PLAC8L1: variants seen among roughly 807,000 people sequenced by gnomAD.
PLAC8L1 encodes PLAC8 like 1.
PLAC8L1 carries 13 observed loss-of-function variants against 16.3 expected under a neutral mutation model. The observed-to-expected ratio is 0.80, with a 90% CI of 0.52 to 1.27. The LOEUF (loss-of-function observed/expected upper bound fraction) is 1.27. PLAC8L1 is among the 50% of genes most tolerant of loss of function. The probability of loss-of-function intolerance (pLI) is 0.00; values close to 1 mark genes in which losing one functional copy is unlikely to be tolerated. For synonymous variants in PLAC8L1, 78 were observed against 79.3 expected (o/e 0.98, Z 0.09); for missense variants, 184 against 220.2 (o/e 0.84, Z 1.04).
At chr5:146,094,451 C>T (rs1763678182) in intron 2 of PLAC8L1, among the ~76,000 whole-genome samples, 1 of 152,180 alleles carries the variant, frequency 6.6e-6, no homozygotes, top group Non-Finnish European at 1.5e-5. Context: ...GTCTGTATCA[C>T]CTACCTTGTG....
intron 1 of PLAC8L1, among the ~76,000 whole-genome samples, chr5:146,102,224 T>A (rs1242930774): frequency 6.6e-6 from 1 of 151,996 alleles, no homozygotes; most frequent in Admixed American, 6.6e-5. Flanking sequence ...CCCAGCTAAT[T>A]TTTTTTAATT....
intron 3 of PLAC8L1, 67 bp downstream of exon 3, chr5:146,085,394 A>G: frequency 6.7e-7 from 1 of 1,485,164 alleles, no homozygotes; most frequent in Non-Finnish European, 9.1e-7. Context: ...TTGGAAAATC[A>G]CAGGTTTGGA....
At chr5:146,098,384 G>T in intron 1 of PLAC8L1, 92 bp from the exon 2 acceptor site, 1 of 1,317,344 alleles carries the variant, frequency 7.6e-7, no homozygotes. Context: ...GAAGAGATAG[G>T]GACCCAATGA....
At chr5:146,085,371 A>C (rs1279590168) in intron 3 of PLAC8L1, 90 bp downstream of exon 3, 5 of 1,413,612 alleles carry the variant, frequency 3.5e-6, no homozygotes, top group Non-Finnish European at 4.8e-6. Context: ...ATCCTCACCC[A>C]CCCTTCTTTT....
Position 146,084,582 on chromosome 5 carries a change from G to T in PLAC8L1, c.394-10C>A. ...CTTCACACAGTGTGCCCTAGGGCAA[G>T]ACCAGAATCTGTTCTGTTGTAGTCA... On this transcript the variant is annotated splice_polypyrimidine_tract_variant and intron_variant, in intron 3 of 3. Transcript: ENST00000311450. 6.2e-7 allele frequency: 1 copy of T among 1,613,128 alleles called. No individual in the cohort carries two copies. Among genetic ancestry groups the T allele is most frequent in the Non-Finnish European group, 8.5e-7 (1 of 1,179,952 alleles).
chr5:146,088,467 T>G (rs539090896), intron 2 of PLAC8L1, among the ~76,000 whole-genome samples: 4 of 152,264 alleles, frequency 2.6e-5, no homozygotes, highest in Admixed American at 1.3e-4. Flanking sequence ...AGTGAGCACT[T>G]CAAAGTCCCA....
intron 1 of PLAC8L1, chr5:146,103,551 T>C: frequency 1.5e-6 from 1 of 682,402 alleles, no homozygotes; most frequent in Non-Finnish European, 1.8e-6. Context: ...GATAGGGAAG[T>C]TTTAGTGCTA....
chr5:146,101,428 A>G (rs1763815282), intron 1 of PLAC8L1, among the ~76,000 whole-genome samples: 2 of 152,174 alleles, frequency 1.3e-5, no homozygotes, highest in Admixed American at 6.5e-5. Flanking sequence ...ACGGCAACCG[A>G]AACAGATTAA....
chr5:146,085,268 T>A (rs926241485), intron 3 of PLAC8L1, among the ~76,000 whole-genome samples, 193 bp downstream of exon 3: 2 of 152,216 alleles, frequency 1.3e-5, no homozygotes, highest in Non-Finnish European at 2.9e-5. Flanking sequence ...AATAATATGG[T>A]ATTTTAGTTA....
chr5:146,092,659 A>G (rs1410645665), intron 2 of PLAC8L1, among the ~76,000 whole-genome samples: 1 of 147,946 alleles, frequency 6.8e-6, no homozygotes, highest in Non-Finnish European at 1.5e-5. Context: ...TTCCTGCTTC[A>G]GCATCCCAGG....
intron 2 of PLAC8L1, among the ~76,000 whole-genome samples, chr5:146,091,875 A>T (rs1007388004): frequency 3.9e-5 from 6 of 152,128 alleles, no homozygotes; most frequent in Admixed American, 3.9e-4. Context: ...TGCAAGGTAA[A>T]TGTATTGTTA....
At chr5:146,087,031 C>A (rs151288587) in intron 2 of PLAC8L1, among the ~76,000 whole-genome samples, 2 of 152,326 alleles carry the variant, frequency 1.3e-5, no homozygotes, top group African/African-American at 2.4e-5. Flanking sequence ...TCCAATCAAT[C>A]CCAGCCCTCC....
At chr5:146,096,218 T>C (rs1451202773) in intron 2 of PLAC8L1, among the ~76,000 whole-genome samples, 1 of 152,208 alleles carries the variant, frequency 6.6e-6, no homozygotes, top group Admixed American at 6.5e-5. Context: ...TCTGCTTCTG[T>C]CTTCACATGG....
intron 1 of PLAC8L1, among the ~76,000 whole-genome samples, chr5:146,101,076 G>T (rs1043950605): frequency 6.6e-6 from 1 of 151,834 alleles, no homozygotes; most frequent in Admixed American, 6.6e-5. Context: ...ACGCACCTGT[G>T]GTCTCAGCTA....
chr5:146,097,227 T>C (rs1763732511), intron 2 of PLAC8L1, among the ~76,000 whole-genome samples: 1 of 152,154 alleles, frequency 6.6e-6, no homozygotes, highest in African/African-American at 2.4e-5. Context: ...AAAAATAGAA[T>C]CAATGAGCTT....
chr5:146,085,377 CTTT>C, intron 3 of PLAC8L1, 81 bp downstream of exon 3: 2 of 1,456,000 alleles, frequency 1.4e-6, no homozygotes, highest in Non-Finnish European at 1.9e-6. Flanking sequence ...ACCCACCCTT[CTTT>C]TATTTGGAAA....
At chr5:146,094,266 G>T (rs1414495449) in intron 2 of PLAC8L1, among the ~76,000 whole-genome samples, 1 of 152,112 alleles carries the variant, frequency 6.6e-6, no homozygotes, top group Non-Finnish European at 1.5e-5. Context: ...ATTTTCAGTA[G>T]AGATGGGGTT....
intron 2 of PLAC8L1, among the ~76,000 whole-genome samples, chr5:146,093,918 TC>T (rs1322407891): frequency 6.6e-6 from 1 of 152,198 alleles, no homozygotes; most frequent in Non-Finnish European, 1.5e-5. Context: ...GCTGACTCTT[TC>T]CTATCTTTCA....
At chr5:146,087,907 G>A (rs576449192) in intron 2 of PLAC8L1, among the ~76,000 whole-genome samples, 14 of 152,194 alleles carry the variant, frequency 9.2e-5, no homozygotes, top group South Asian at 4.1e-4. Flanking sequence ...GAGCAAAGGC[G>A]GAGGTGCTAC....
Sources: allele counts gnomAD v4.1 joint callset (sites outside exome capture counted in the v4.1 genomes callset), GRCh38; gene constraint gnomAD v4.1.1; transcripts MANE v1.5; gene names NCBI Gene and HGNC (gene_info 2026-07-23, HGNC 2026-07-21).